The following DNAH7 variants were observed in gnomAD, a reference collection of about 807,000 sequenced individuals.
DNAH7 encodes axonemal beta dynein heavy chain 7.
A neutral mutation model predicts 444.6 loss-of-function variants in DNAH7; 397 were observed. The observed-to-expected ratio is 0.89, with a 90% confidence interval of 0.82 to 0.97. The LOEUF (loss-of-function observed/expected upper bound fraction) is 0.97. Among genes scored for constraint, DNAH7 ranks in the 50% least tolerant of loss-of-function variants. The pLI is 0.00. For missense variants in DNAH7, 4,902 were observed against 4,800.8 expected, an observed-to-expected ratio of 1.02 and a Z score of -0.62; for synonymous variants, 1,636 against 1,624.4, an observed-to-expected ratio of 1.01 and a Z score of -0.17.
intron 19 of DNAH7, among the ~76,000 whole-genome samples, chr2:195,950,084 C>T (rs1690116317): frequency 6.6e-6 from 1 of 152,222 alleles, no homozygotes. Flanking sequence ...GTGTCTCTGC[C>T]AGGTTTTGGT....
chr2:195,746,607 C>A (rs1189896138), intron 63 of DNAH7, among the ~76,000 whole-genome samples: 5 of 152,162 alleles, frequency 3.3e-5, no homozygotes, highest in Non-Finnish European at 5.9e-5. Context: ...TAAAGCTGTC[C>A]TCAGCAAATG....
At chr2:195,799,617 A>T in intron 54 of DNAH7, 145 bp from the exon 55 acceptor site, 1 of 516,582 alleles carries the variant, frequency 1.9e-6, no homozygotes, top group Non-Finnish European at 3.1e-6. Flanking sequence ...CCAAGGCATC[A>T]ATGTTTATAT....
In DNAH7 at chr2:195,875,768, G is replaced by A; in HGVS notation, c.6193C>T (p.Gln2065Ter). The A allele has an allele frequency of 6.2e-7, 1 of 1,613,864 alleles. No homozygotes were observed. The highest frequency in any genetic ancestry group is 8.5e-7 in the Non-Finnish European group (1 of 1,179,900). ...TACCAGTTCCAGTGGTCTAACCACTGTCTAAGTAACTCAATGGGAGGTTGA... is the reference window on the plus strand; with the variant it reads ...TACCAGTTCCAGTGGTCTAACCACTATCTAAGTAACTCAATGGGAGGTTGA... ...GAQPPIELLR[Q>*]WLDHWNWYDL... The change falls in exon 38 of 65, where the codon CAG becomes TAG. Residue 2065 changes from glutamine (Q) to a stop codon, truncating the protein, a stop_gained. Transcript: ENST00000312428. LOFTEE classifies it high-confidence loss of function.
At chr2:195,885,583 G>A (rs2125194937) in intron 34 of DNAH7, among the ~76,000 whole-genome samples, 1 of 152,232 alleles carries the variant, frequency 6.6e-6, no homozygotes, top group South Asian at 2.1e-4. Flanking sequence ...GACCACAGTA[G>A]AAGTGCTACC....
rs1341610731 is a variant in DNAH7 at position 195,756,142 on chromosome 2, T to C, written c.11577A>G (p.Lys3859=). The C allele has an allele frequency of 6.3e-7, 1 of 1,597,068 alleles. No individual in the cohort carries two copies. Among genetic ancestry groups the C allele is most frequent in the Non-Finnish European group, 8.5e-7 (1 of 1,170,362 alleles). ...ATTTAGACGAACTTACCTGCAAGAA[T>C]TTTAGTCTTGCAAGGAAGTCATTCA... ...SYVNDFLARL[K]FLQQWYEVGP... Residue 3859 remains lysine, a synonymous_variant, in exon 62 of 65, where the codon AAA becomes AAG. Coordinates refer to ENST00000312428, the MANE Select transcript of DNAH7 (RefSeq NM_018897.3).
At chr2:195,895,553 G>A (rs544936992) in intron 29 of DNAH7, among the ~76,000 whole-genome samples, 163 of 152,150 alleles carry the variant, frequency 1.1e-3, no homozygotes, top group Admixed American at 1.8e-3. Flanking sequence ...CATCCCCCAC[G>A]TCAGCCTCCT....
Position 195,928,121 on chromosome 2 carries a change from A to G in DNAH7, c.3472-1555T>C, listed in dbSNP as rs1028772829. Among the ~76,000 whole-genome samples, 14 of 152,154 alleles carry G rather than the reference A, an allele frequency of 9.2e-5. 1 individual carries two copies. The highest frequency in any genetic ancestry group is 9.2e-4 in the Admixed American group (14 of 15,278). ...TACAGTGTCTATTGTTGCCATGTTTATGTCCACGTGTGCTCAGTGTTTAGC... is the reference window on the plus strand; with the variant it reads ...TACAGTGTCTATTGTTGCCATGTTTGTGTCCACGTGTGCTCAGTGTTTAGC... On this transcript the variant is annotated intron_variant, in intron 21 of 64. Transcript: ENST00000312428.
chr2:195,937,588 T>C (rs923840412), intron 19 of DNAH7, among the ~76,000 whole-genome samples: 2 of 152,242 alleles, frequency 1.3e-5, no homozygotes, highest in Admixed American at 6.5e-5. Context: ...ATAGAGTTTA[T>C]TGATTTCTCA....
At chr2:195,769,642 C>T (rs1197359890) in intron 61 of DNAH7, among the ~76,000 whole-genome samples, 2 of 152,006 alleles carry the variant, frequency 1.3e-5, no homozygotes, top group African/African-American at 4.8e-5. Context: ...CCTCTCACGG[C>T]TGCCTGGACA....
chr2:195,857,784 G>A, intron 43 of DNAH7, 61 bp from the exon 44 acceptor site: 1 of 1,393,388 alleles, frequency 7.2e-7, no homozygotes, highest in Non-Finnish European at 9.6e-7. Context: ...AATTGTAAGT[G>A]GTTCCTATTT....
At chr2:196,025,062 G>A (rs1273309873) in intron 7 of DNAH7, among the ~76,000 whole-genome samples, 2 of 152,194 alleles carry the variant, frequency 1.3e-5, no homozygotes, top group Non-Finnish European at 2.9e-5. Context: ...ATCTGGAGAT[G>A]ATTTAAAGTA....
At chr2:195,986,505 A>C (rs1338846648) in intron 14 of DNAH7, among the ~76,000 whole-genome samples, 1 of 152,164 alleles carries the variant, frequency 6.6e-6, no homozygotes, top group Non-Finnish European at 1.5e-5. Context: ...CATTACCACC[A>C]GTTGTTGGAA....
chr2:196,047,524 C>A (rs753599828), intron 4 of DNAH7, 25 bp from the exon 5 acceptor site: 2 of 1,493,586 alleles, frequency 1.3e-6, no homozygotes, highest in Non-Finnish European at 1.8e-6. Flanking sequence ...AAAAAAAAAG[C>A]ACAATTATTC....
intron 47 of DNAH7, among the ~76,000 whole-genome samples, chr2:195,843,354 A>G (rs1034812654): frequency 6.6e-6 from 1 of 152,174 alleles, no homozygotes; most frequent in Non-Finnish European, 1.5e-5. Context: ...CCTTGGATTA[A>G]TTTAGATTAT....
At chr2:195,887,957 T>C (rs1031230486) in intron 33 of DNAH7, among the ~76,000 whole-genome samples, 1 of 152,156 alleles carries the variant, frequency 6.6e-6, no homozygotes, top group Admixed American at 6.5e-5. Flanking sequence ...TAAATAATAT[T>C]GTAATAATGG....
At chr2:195,823,175 T>C (rs567706312) in intron 49 of DNAH7, among the ~76,000 whole-genome samples, 12 of 152,194 alleles carry the variant, frequency 7.9e-5, no homozygotes, top group Non-Finnish European at 1.8e-4. Context: ...TTAAATAATA[T>C]TGGATTTTAA....
At chr2:195,848,531 A>T (rs1699156648) in intron 46 of DNAH7, among the ~76,000 whole-genome samples, 1 of 152,236 alleles carries the variant, frequency 6.6e-6, no homozygotes, top group Non-Finnish European at 1.5e-5. Flanking sequence ...ATGTGTGATT[A>T]TAGATTCTTC....
chr2:195,982,578 G>A (rs996810205), intron 15 of DNAH7, among the ~76,000 whole-genome samples: 1 of 152,188 alleles, frequency 6.6e-6, no homozygotes, highest in Non-Finnish European at 1.5e-5. Context: ...GGGAAGCAAT[G>A]TAAGTGTCCA....
At position 195,884,599 on chromosome 2, in the gene DNAH7, G is replaced by T. The variant is rs746286543; in HGVS notation, c.5749C>A (p.Gln1917Lys). 1.9e-6 allele frequency: 3 copies of T among 1,613,506 alleles called. No individual in the cohort carries two copies. In the Admixed American group the frequency reaches 5.0e-5, roughly 27 times the overall value. Residue 1917 changes from glutamine to lysine, a missense_variant, in exon 35 of 65, where the codon CAA becomes AAA. Coordinates refer to ENST00000312428, the MANE Select transcript of DNAH7 (RefSeq NM_018897.3). ...FPEKGTIYDY[Q>K]FVTEGIGKWE... ...AGAACTCTTACCTCAGTGACAAATT[G>T]ATAATCATAAATTGTTCCTTTTTCA... is the stretch of plus-strand genomic sequence containing the variant.
Sources: gnomAD v4.1 joint callset for allele counts (sites outside exome capture counted in the v4.1 genomes callset) on GRCh38, gnomAD v4.1.1 for gene constraint, MANE v1.5 for transcripts, NCBI Gene and HGNC (gene_info 2026-07-23, HGNC 2026-07-21) for gene names.